Variants in FAP observed in about 807,000 individuals in gnomAD.
FAP encodes the protein fibroblast activation protein alpha, also known as prolyl endopeptidase FAP.
A neutral mutation model predicts 126.5 loss-of-function variants in FAP; 110 were observed. The observed-to-expected ratio is 0.87, with a 90% CI of 0.74 to 1.02. FAP has a LOEUF of 1.02. FAP is among the 50% of genes least tolerant of loss of function. FAP has a pLI of 0.00. For synonymous variants in FAP, 334 were observed against 297.3 expected, an observed-to-expected ratio of 1.12 and a Z score of -1.27; for missense variants, 919 against 909.2, an observed-to-expected ratio of 1.01 and a Z score of -0.14.
intron 20 of FAP, among the ~76,000 whole-genome samples, chr2:162,185,132 C>G (rs990743067): frequency 6.6e-6 from 1 of 152,128 alleles, no homozygotes; most frequent in Non-Finnish European, 1.5e-5. Flanking sequence ...GTTGTAAATA[C>G]TGTTGATAAT....
chr2:162,241,531 T>C (rs1215016134), intron 2 of FAP, among the ~76,000 whole-genome samples: 1 of 152,208 alleles, frequency 6.6e-6, no homozygotes. Context: ...ATTAACAAAC[T>C]TTTGTTCCAA....
At chr2:162,171,189 T>C in intron 25 of FAP, 109 bp from the exon 26 acceptor site, 1 of 728,332 alleles carries the variant, frequency 1.4e-6, no homozygotes, top group South Asian at 1.7e-5. Flanking sequence ...ATGGGGAAAC[T>C]GTACCTAAGA....
chr2:162,209,546 A>T (rs549672744), intron 12 of FAP: 1 of 160,216 alleles, frequency 6.2e-6, no homozygotes, highest in South Asian at 1.9e-4. Context: ...TAAGAGGTAG[A>T]TTGTCTTTAA....
intron 12 of FAP, among the ~76,000 whole-genome samples, chr2:162,205,162 G>T (rs1688655949): frequency 1.3e-5 from 2 of 152,148 alleles, no homozygotes; most frequent in South Asian, 4.1e-4. Flanking sequence ...CCTGATTTAT[G>T]AATTGTTTTT....
At chr2:162,192,310 T>C (rs1688077283) in intron 17 of FAP, among the ~76,000 whole-genome samples, 1 of 152,112 alleles carries the variant, frequency 6.6e-6, no homozygotes, top group South Asian at 2.1e-4. Context: ...AGTCCATTAA[T>C]TTAGAGCAAG....
chr2:162,172,136 T>C (rs1205732729), intron 25 of FAP: 1 of 152,106 alleles, frequency 6.6e-6, no homozygotes, highest in African/African-American at 2.4e-5. Flanking sequence ...TCGGGGTTCT[T>C]GTTCAACTTA....
At chr2:162,198,184 T>A in intron 16 of FAP, 1 of 1,287,980 alleles carries the variant, frequency 7.8e-7, no homozygotes, top group East Asian at 5.6e-5. Flanking sequence ...CTTACGATGT[T>A]TTCCAAATTT....
At position 162,194,795 on chromosome 2, in the gene FAP, A is replaced by C. The variant is rs773558501; in HGVS notation, c.1403-47T>G. On this transcript the variant is annotated intron_variant, in intron 16 of 25. Transcript: ENST00000188790. ...AATCATGGCTTAGTGTTAAAATAACAATTCCTTTTCAAGACGGGCTGCTGG... is the reference window on the plus strand; with the variant it reads ...AATCATGGCTTAGTGTTAAAATAACCATTCCTTTTCAAGACGGGCTGCTGG... 3 of 1,565,394 alleles carry C rather than the reference A, an allele frequency of 1.9e-6. No individual in the cohort carries two copies. In the African/African-American group the frequency reaches 4.1e-5, roughly 21 times the overall value.
intron 17 of FAP, among the ~76,000 whole-genome samples, chr2:162,190,721 T>C (rs1315638318): frequency 6.6e-6 from 1 of 152,084 alleles, no homozygotes; most frequent in Non-Finnish European, 1.5e-5. Context: ...GGTATATCTA[T>C]TGCTACAAAA....
chr2:162,198,265 G>A, intron 16 of FAP: 1 of 1,289,844 alleles, frequency 7.8e-7, no homozygotes, highest in Non-Finnish European at 1.0e-6. Flanking sequence ...CTCCGACGTG[G>A]GCATCTCGGG....
Position 162,242,964 on chromosome 2 carries a change from G to A in FAP, c.35C>T (p.Ala12Val). Reference protein sequence around the residue: ...KTWVKIVFGVATSAVLALLVM... With the variant: ...KTWVKIVFGVVTSAVLALLVM... ...CAATAAGGCAAGCACAGCAGAGGTGGCAACTCCAAATACGATTTTTACCCA... is the reference window on the plus strand; with the variant it reads ...CAATAAGGCAAGCACAGCAGAGGTGACAACTCCAAATACGATTTTTACCCA... The change falls in exon 2 of 26, where the codon GCC becomes GTC. Residue 12 changes from alanine to valine, a missense_variant. Coordinates refer to ENST00000188790, the MANE Select transcript of FAP (RefSeq NM_004460.5). The A allele has an allele frequency of 3.7e-6, 6 of 1,612,926 alleles. No homozygotes were observed. The highest frequency in any genetic ancestry group is 2.2e-5 in the East Asian group (1 of 44,866).
intron 2 of FAP, among the ~76,000 whole-genome samples, chr2:162,235,925 A>C (rs1302645755): frequency 3.3e-5 from 5 of 152,182 alleles, no homozygotes; most frequent in Non-Finnish European, 7.3e-5. Flanking sequence ...GCTTTCATTA[A>C]GTGTGATGTT....
chr2:162,229,050 A>G (rs1689781875), intron 2 of FAP, among the ~76,000 whole-genome samples: 1 of 152,176 alleles, frequency 6.6e-6, no homozygotes. Context: ...TTAATTCAAT[A>G]AATGAATATA....
intron 10 of FAP, among the ~76,000 whole-genome samples, chr2:162,214,333 T>A (rs1479062589): frequency 6.6e-6 from 1 of 152,078 alleles, no homozygotes; most frequent in Admixed American, 6.6e-5. Context: ...TTTTAACATT[T>A]TAGAAAAGAA....
At chr2:162,210,161 A>C (rs1052498069) in intron 11 of FAP, among the ~76,000 whole-genome samples, 165 bp from the exon 12 acceptor site, 2 of 152,236 alleles carry the variant, frequency 1.3e-5, no homozygotes, top group African/African-American at 4.8e-5. Context: ...AATCTCATAT[A>C]ACAGCACTGT....
chr2:162,223,184 C>T (rs956360724), intron 6 of FAP, among the ~76,000 whole-genome samples: 1 of 152,018 alleles, frequency 6.6e-6, no homozygotes, highest in Non-Finnish European at 1.5e-5. Context: ...AATTTTAAAA[C>T]AGTTAATGGA....
chr2:162,190,677 T>G (rs1688012933), intron 17 of FAP, among the ~76,000 whole-genome samples: 1 of 152,050 alleles, frequency 6.6e-6, no homozygotes, highest in Non-Finnish European at 1.5e-5. Flanking sequence ...AGTTTTAGCT[T>G]TATATTTTAA....
intron 16 of FAP, 110 bp downstream of exon 16, chr2:162,198,647 A>T: frequency 7.8e-7 from 1 of 1,275,522 alleles, no homozygotes; most frequent in Non-Finnish European, 1.1e-6. Flanking sequence ...TAAGATTCTT[A>T]CATATAACAA....
intron 21 of FAP, among the ~76,000 whole-genome samples, chr2:162,182,381 T>G (rs1687722483): frequency 6.6e-6 from 1 of 152,220 alleles, no homozygotes; most frequent in African/African-American, 2.4e-5. Context: ...AGGTATTATC[T>G]GGAATATTTC....
Sources: gnomAD v4.1 joint callset for allele counts (sites outside exome capture counted in the v4.1 genomes callset) on GRCh38, gnomAD v4.1.1 for gene constraint, MANE v1.5 for transcripts, NCBI Gene and HGNC (gene_info 2026-07-23, HGNC 2026-07-21) for gene names.